Variants in LRP1B observed in about 807,000 individuals in gnomAD.
LRP1B encodes the protein low-density lipoprotein receptor-related protein 1B.
Under a neutral mutation model 556.6 loss-of-function variants are expected in LRP1B, and 217 were observed. The observed-to-expected ratio is 0.39, with a 90% CI of 0.35 to 0.44. The LOEUF is 0.44. Ranked by LOEUF, LRP1B falls within the 20% of genes least tolerant of loss-of-function variation. LRP1B has a pLI of 1.00. For missense variants in LRP1B, 5,053 were observed against 5,620.8 expected (o/e 0.90, Z 3.23); for synonymous variants, 2,047 against 1,865.8 (o/e 1.10, Z -2.50).
chr2:140,983,278 A>G (rs1245526163), intron 17 of LRP1B, among the ~76,000 whole-genome samples: 1 of 152,028 alleles, frequency 6.6e-6, no homozygotes, highest in Non-Finnish European at 1.5e-5. Flanking sequence ...AATGAGATAT[A>G]TTGGGAAAGG....
chr2:141,630,150 C>G (rs991006530), intron 2 of LRP1B, among the ~76,000 whole-genome samples: 3 of 152,198 alleles, frequency 2.0e-5, no homozygotes, highest in African/African-American at 7.2e-5. Flanking sequence ...ATAGGCCACA[C>G]CAGCTATCGG....
intron 1 of LRP1B, among the ~76,000 whole-genome samples, chr2:142,086,640 C>CAACA (rs1553515527): frequency 4.1e-5 from 6 of 147,662 alleles, no homozygotes; most frequent in African/African-American, 1.5e-4. Flanking sequence ...AACAAACAAA[C>CAACA]AAAAAAAAAA....
At chr2:141,178,500 A>G (rs757901744) in intron 7 of LRP1B, among the ~76,000 whole-genome samples, 4 of 152,134 alleles carry the variant, frequency 2.6e-5, no homozygotes, top group Non-Finnish European at 5.9e-5. Flanking sequence ...GAACTATAAA[A>G]TGATATGATG....
chr2:141,706,193 G>GC (rs1314908943), intron 2 of LRP1B, among the ~76,000 whole-genome samples: 3 of 152,070 alleles, frequency 2.0e-5, no homozygotes, highest in South Asian at 2.1e-4. Context: ...TTCATTCTCA[G>GC]TGGAACACTT....
intron 7 of LRP1B, among the ~76,000 whole-genome samples, chr2:141,084,770 C>T (rs1700009674): frequency 6.6e-6 from 1 of 151,886 alleles, no homozygotes; most frequent in South Asian, 2.1e-4. Flanking sequence ...CTGCCTCAGC[C>T]TCCTGAGTAG....
At chr2:141,175,841 G>T (rs537188979) in intron 7 of LRP1B, among the ~76,000 whole-genome samples, 1 of 152,130 alleles carries the variant, frequency 6.6e-6, no homozygotes, top group Non-Finnish European at 1.5e-5. Flanking sequence ...CAACTGTGGG[G>T]CTGTACCATG....
intron 77 of LRP1B, among the ~76,000 whole-genome samples, chr2:140,336,506 T>C (rs1681110124): frequency 6.6e-6 from 1 of 151,920 alleles, no homozygotes; most frequent in South Asian, 2.1e-4. Context: ...GAAAAAATTT[T>C]CAAAGAGTTT....
At chr2:141,246,768 C>G (rs1684083172) in intron 5 of LRP1B, among the ~76,000 whole-genome samples, 1 of 152,134 alleles carries the variant, frequency 6.6e-6, no homozygotes, top group Admixed American at 6.5e-5. Flanking sequence ...AGTTTGAGAC[C>G]AGCCTGGCCA....
At chr2:141,314,624 T>C (rs1016246066) in intron 3 of LRP1B, among the ~76,000 whole-genome samples, 2 of 150,754 alleles carry the variant, frequency 1.3e-5, no homozygotes, top group Non-Finnish European at 3.0e-5. Flanking sequence ...ACCCCGTTTC[T>C]ACTAAAAATA....
At chr2:140,739,322 C>T (rs528499414) in intron 35 of LRP1B, among the ~76,000 whole-genome samples, 2 of 149,754 alleles carry the variant, frequency 1.3e-5, no homozygotes, top group East Asian at 4.0e-4. Flanking sequence ...GAGTTAATTA[C>T]TGAAATAACT....
At chr2:141,744,136 T>C (rs1693826277) in intron 2 of LRP1B, among the ~76,000 whole-genome samples, 1 of 152,090 alleles carries the variant, frequency 6.6e-6, no homozygotes, top group Admixed American at 6.5e-5. Flanking sequence ...GCCATAAACT[T>C]CTTTTTTAGT....
chr2:141,238,172 G>A (rs532536703), intron 5 of LRP1B, among the ~76,000 whole-genome samples: 2 of 152,120 alleles, frequency 1.3e-5, no homozygotes, highest in Non-Finnish European at 1.5e-5. Context: ...GTGATGGTCA[G>A]TTTATATTAG....
intron 1 of LRP1B, among the ~76,000 whole-genome samples, chr2:141,845,655 A>G (rs1697620732): frequency 6.6e-6 from 1 of 151,896 alleles, no homozygotes; most frequent in Non-Finnish European, 1.5e-5. Flanking sequence ...GAGGGTAGAC[A>G]TTTCTAGCCA....
chr2:140,527,670 A>G (rs944815992), intron 47 of LRP1B, among the ~76,000 whole-genome samples: 7 of 20,602 alleles, frequency 3.4e-4, no homozygotes, highest in African/African-American at 9.9e-4. Context: ...GCATTGTTCC[A>G]AAACGGAAAA....
intron 1 of LRP1B, among the ~76,000 whole-genome samples, chr2:142,008,518 CTTT>C (rs1206192277): frequency 7.2e-6 from 1 of 138,996 alleles, no homozygotes. Flanking sequence ...GACATGGTGA[CTTT>C]TTTTTTTTTT....
chr2:141,699,142 T>TA (rs1234853047), intron 2 of LRP1B, among the ~76,000 whole-genome samples: 1 of 151,804 alleles, frequency 6.6e-6, no homozygotes, highest in Non-Finnish European at 1.5e-5. Context: ...GAGAGAAATT[T>TA]AAAAAACCCA....
At chr2:141,943,405 C>G (rs1700870973) in intron 1 of LRP1B, among the ~76,000 whole-genome samples, 1 of 152,154 alleles carries the variant, frequency 6.6e-6, no homozygotes, top group Admixed American at 6.6e-5. Context: ...CTTTCAACCC[C>G]CTGCTAAGTA....
At chr2:140,648,005 C>A (rs1487376350) in intron 41 of LRP1B, among the ~76,000 whole-genome samples, 1 of 152,138 alleles carries the variant, frequency 6.6e-6, no homozygotes, top group African/African-American at 2.4e-5. Context: ...TTTATTGCAG[C>A]ACTATTTACA....
chr2:140,410,638 A>T (rs144077292), intron 66 of LRP1B, among the ~76,000 whole-genome samples: 64 of 152,278 alleles, frequency 4.2e-4, no homozygotes, highest in African/African-American at 1.5e-3. Flanking sequence ...ACCATTAAAC[A>T]CATGCAGAAA....
Sources: allele counts gnomAD v4.1 joint callset (sites outside exome capture counted in the v4.1 genomes callset), GRCh38; gene constraint gnomAD v4.1.1; transcripts MANE v1.5; gene names NCBI Gene and HGNC (gene_info 2026-07-23, HGNC 2026-07-21).